The following CTNNA2 variants were observed in gnomAD, a reference collection of about 807,000 sequenced individuals.
CTNNA2 encodes catenin alpha-2.
A neutral mutation model predicts 101.0 loss-of-function variants in CTNNA2; 42 were observed. The ratio of observed to expected loss-of-function variants is 0.42; its 90% CI spans 0.32 to 0.54. CTNNA2 has a LOEUF of 0.54. Among genes scored for constraint, CTNNA2 ranks in the 20% least tolerant of loss-of-function variants. CTNNA2 has a pLI of 0.14. For synonymous variants in CTNNA2, 450 were observed against 456.4 expected (o/e 0.99, Z 0.18); for missense variants, 871 against 1,223.1 (o/e 0.71, Z 4.29).
chr2:79,900,258 A>G (rs1046604873), intron 6 of CTNNA2, among the ~76,000 whole-genome samples: 2 of 152,122 alleles, frequency 1.3e-5, no homozygotes, highest in South Asian at 4.2e-4. Flanking sequence ...CTCAGGGGTT[A>G]CTAGTCAAGT....
intron 2 of CTNNA2, among the ~76,000 whole-genome samples, chr2:79,301,010 C>T (rs755920663): frequency 5.6e-4 from 85 of 152,286 alleles, no homozygotes; most frequent in Non-Finnish European, 1.1e-3. Flanking sequence ...CTGCTTTGCT[C>T]TCTTTTCTCT....
At chr2:79,189,828 G>T (rs1357210317) in intron 1 of CTNNA2, among the ~76,000 whole-genome samples, 1 of 152,168 alleles carries the variant, frequency 6.6e-6, no homozygotes, top group Non-Finnish European at 1.5e-5. Context: ...CTGTGAAACT[G>T]ACAAGAGACT....
intron 7 of CTNNA2, among the ~76,000 whole-genome samples, chr2:79,968,332 G>A (rs1690227248): frequency 6.6e-6 from 1 of 152,068 alleles, no homozygotes; most frequent in Admixed American, 6.5e-5. Context: ...CACTGTTTAG[G>A]GCATTCTTTG....
intron 7 of CTNNA2, among the ~76,000 whole-genome samples, chr2:80,166,693 T>C (rs1348211016): frequency 1.3e-5 from 2 of 152,178 alleles, no homozygotes; most frequent in Non-Finnish European, 2.9e-5. Flanking sequence ...GGTCACAGTC[T>C]GGGGCTTGTG....
chr2:80,590,801 A>C (rs2149739827), intron 15 of CTNNA2, among the ~76,000 whole-genome samples: 1 of 152,266 alleles, frequency 6.6e-6, no homozygotes, highest in Middle Eastern at 3.4e-3. Context: ...TCATATTTGT[A>C]CATTTGGTTA....
chr2:80,127,643 A>C (rs1702210426), intron 7 of CTNNA2, among the ~76,000 whole-genome samples: 1 of 152,190 alleles, frequency 6.6e-6, no homozygotes, highest in South Asian at 2.1e-4. Flanking sequence ...AGAATAGAAA[A>C]TGAAGTAGAG....
At chr2:80,328,257 C>A (rs1311417477) in intron 7 of CTNNA2, 1 of 470,810 alleles carries the variant, frequency 2.1e-6, no homozygotes. Flanking sequence ...ATCAGTTCCT[C>A]ATTAAAGGGC....
intron 7 of CTNNA2, among the ~76,000 whole-genome samples, chr2:80,379,999 C>T (rs1025885752): frequency 1.4e-5 from 2 of 145,908 alleles, no homozygotes; most frequent in South Asian, 4.4e-4. Flanking sequence ...AGCAGCCATT[C>T]ATCAATGTCT....
intron 3 of CTNNA2, among the ~76,000 whole-genome samples, chr2:79,812,692 A>G (rs935650173): frequency 5.9e-5 from 9 of 152,164 alleles, no homozygotes; most frequent in African/African-American, 2.2e-4. Flanking sequence ...TTATGTTCAT[A>G]TCTAGCAGTG....
intron 9 of CTNNA2, among the ~76,000 whole-genome samples, chr2:80,468,314 T>C (rs1243561346): frequency 6.6e-6 from 1 of 152,178 alleles, no homozygotes; most frequent in Non-Finnish European, 1.5e-5. Context: ...TTTAATACAG[T>C]ATTATTTATG....
At chr2:79,811,601 C>G (rs1677044750) in intron 3 of CTNNA2, among the ~76,000 whole-genome samples, 1 of 152,140 alleles carries the variant, frequency 6.6e-6, no homozygotes, top group South Asian at 2.1e-4. Context: ...ATACCTTTGC[C>G]AATACCACAC....
intron 1 of CTNNA2, among the ~76,000 whole-genome samples, chr2:79,641,934 T>A (rs1042124277): frequency 7.2e-5 from 11 of 152,194 alleles, no homozygotes; most frequent in African/African-American, 2.7e-4. Context: ...CAGTGAGATA[T>A]GGACATGGTT....
chr2:79,220,419 G>A (rs1279739519), intron 2 of CTNNA2, among the ~76,000 whole-genome samples: 4 of 152,068 alleles, frequency 2.6e-5, no homozygotes, highest in Non-Finnish European at 5.9e-5. Context: ...CTGAATCCCA[G>A]AAGTAGACTT....
intron 7 of CTNNA2, among the ~76,000 whole-genome samples, chr2:80,189,676 G>A (rs1057017441): frequency 1.3e-5 from 2 of 152,102 alleles, no homozygotes; most frequent in African/African-American, 4.8e-5. Context: ...GCCCATGCCT[G>A]GGCCGCCTAT....
intron 7 of CTNNA2, among the ~76,000 whole-genome samples, chr2:79,998,004 A>T (rs530629945): frequency 1.3e-5 from 2 of 152,202 alleles, no homozygotes; most frequent in South Asian, 4.1e-4. Context: ...CTTTTGGTGA[A>T]CACTAAAATC....
intron 6 of CTNNA2, among the ~76,000 whole-genome samples, chr2:79,903,511 C>T (rs963784391): frequency 2.0e-5 from 3 of 152,066 alleles, no homozygotes; most frequent in African/African-American, 7.2e-5. Flanking sequence ...CGCTTCAGAA[C>T]CTGGTTCTTT....
At chr2:80,471,428 C>T (rs1054608076) in intron 9 of CTNNA2, among the ~76,000 whole-genome samples, 5 of 152,158 alleles carry the variant, frequency 3.3e-5, no homozygotes, top group African/African-American at 1.2e-4. Context: ...TTAAGCATGG[C>T]GTATGTTTTT....
At chr2:79,402,002 A>G (rs533290729) in intron 4 of CTNNA2, among the ~76,000 whole-genome samples, 50 of 151,786 alleles carry the variant, frequency 3.3e-4, no homozygotes, top group Non-Finnish European at 4.9e-4. Flanking sequence ...CCAAATAGCC[A>G]TGCAGTGGCT....
rs2149736116 is a variant in CTNNA2, at chr2:80,589,429, C to T, written c.2133C>T (p.Ile711=). ...VAKWDDSGND[I]IVLAKQMCMI... is the part of the protein sequence containing the mutation. The stretch of plus-strand genomic sequence containing the variant: ...AATGGGACGACAGCGGCAATGATAT[C>T]ATTGTACTGGCCAAGCAGATGTGTA... Residue 711 remains isoleucine, a synonymous_variant, in exon 15 of 19, where the codon ATC becomes ATT. Coordinates refer to ENST00000402739, the MANE Select transcript of CTNNA2 (RefSeq NM_001282597.3). 1 of 1,614,106 alleles carries T rather than the reference C, an allele frequency of 6.2e-7. No individual in the cohort carries two copies. The highest frequency in any genetic ancestry group is 2.2e-5 in the East Asian group (1 of 44,876).
Sources: gnomAD v4.1 joint callset for allele counts (sites outside exome capture counted in the v4.1 genomes callset) on GRCh38, gnomAD v4.1.1 for gene constraint, MANE v1.5 for transcripts, NCBI Gene and HGNC (gene_info 2026-07-23, HGNC 2026-07-21) for gene names.